CCSER1: variants seen among roughly 807,000 people sequenced by gnomAD.
CCSER1 encodes coiled-coil serine rich protein 1, also known as serine-rich coiled-coil domain-containing protein 1.
A neutral mutation model predicts 82.0 loss-of-function variants in CCSER1; 41 were observed. The ratio of observed to expected loss-of-function variants is 0.50; its 90% CI spans 0.39 to 0.65. The LOEUF is 0.65. Among genes scored for constraint, CCSER1 ranks in the 30% least tolerant of loss-of-function variants. CCSER1 has a pLI of 0.00. For synonymous variants in CCSER1, 414 were observed against 383.9 expected, an observed-to-expected ratio of 1.08 and a Z score of -0.92; for missense variants, 1,119 against 1,064.2, an observed-to-expected ratio of 1.05 and a Z score of -0.72.
chr4:91,502,401 T>G (rs544865154), intron 10 of CCSER1, among the ~76,000 whole-genome samples: 32 of 152,262 alleles, frequency 2.1e-4, no homozygotes, highest in African/African-American at 7.5e-4. Flanking sequence ...TGAAAAAAAT[T>G]TGAAAATTAA....
At chr4:91,582,660 T>G (rs548678602) in intron 10 of CCSER1, among the ~76,000 whole-genome samples, 2 of 151,422 alleles carry the variant, frequency 1.3e-5, no homozygotes, top group Admixed American at 1.3e-4. Flanking sequence ...TAATTGTGGT[T>G]TTTTCATTAC....
intron 10 of CCSER1, among the ~76,000 whole-genome samples, chr4:91,263,124 A>T (rs1741319887): frequency 6.6e-6 from 1 of 152,090 alleles, no homozygotes; most frequent in African/African-American, 2.4e-5. Flanking sequence ...TTATGTGTGT[A>T]TAGTTAAATT....
chr4:91,514,126 CT>C (rs1759974190), intron 10 of CCSER1, among the ~76,000 whole-genome samples: 2 of 152,098 alleles, frequency 1.3e-5, no homozygotes, highest in African/African-American at 4.8e-5. Flanking sequence ...ACTACTTTTG[CT>C]GCATCCCCTA....
chr4:91,465,509 G>C (rs936851534), intron 10 of CCSER1, among the ~76,000 whole-genome samples: 1 of 152,220 alleles, frequency 6.6e-6, no homozygotes, highest in Non-Finnish European at 1.5e-5. Context: ...GATCAGAGCA[G>C]AACTGAAGGA....
chr4:90,240,509 C>G (rs1746635905), intron 1 of CCSER1, among the ~76,000 whole-genome samples: 1 of 152,166 alleles, frequency 6.6e-6, no homozygotes, highest in Non-Finnish European at 1.5e-5. Flanking sequence ...CATGGAAGAG[C>G]CCCTTCCTCC....
At chr4:90,612,436 T>C (rs1317300794) in intron 5 of CCSER1, among the ~76,000 whole-genome samples, 2 of 152,108 alleles carry the variant, frequency 1.3e-5, no homozygotes, top group Non-Finnish European at 2.9e-5. Context: ...AGAAAATGAG[T>C]AAACATTAAT....
intron 9 of CCSER1, among the ~76,000 whole-genome samples, chr4:91,081,614 A>ATTT (rs1722757841): frequency 6.6e-6 from 1 of 152,196 alleles, no homozygotes; most frequent in Non-Finnish European, 1.5e-5. Flanking sequence ...GAAAAGAGGA[A>ATTT]GTCAAATTGT....
At chr4:90,133,935 T>G (rs1723227359) in intron 1 of CCSER1, among the ~76,000 whole-genome samples, 1 of 152,214 alleles carries the variant, frequency 6.6e-6, no homozygotes, top group Non-Finnish European at 1.5e-5. Context: ...ATGTTTTATT[T>G]TTTCCAAAGA....
At position 91,349,292 on chromosome 4, in the gene CCSER1, G is replaced by C. The variant is rs553700132; in HGVS notation, c.2218-249280G>C. 1.4e-4 allele frequency among the ~76,000 whole-genome samples: 22 copies of C among 152,220 alleles called. 1 individual carries two copies. In the South Asian group the frequency reaches 4.6e-3, roughly 32 times the overall value. On this transcript the variant is annotated intron_variant, in intron 10 of 10. Transcript: ENST00000509176. ...TTTTTACTGTTTGCTGTAGCTATAG[G>C]TGTCAGAGGTTAAATTTTTCCCTAA...
intron 10 of CCSER1, among the ~76,000 whole-genome samples, chr4:91,261,086 C>G (rs1455629931): frequency 1.3e-5 from 2 of 152,192 alleles, no homozygotes; most frequent in African/African-American, 4.8e-5. Context: ...TTAAAATATC[C>G]TCTTGCCTTG....
chr4:91,011,637 C>G (rs1278919677), intron 9 of CCSER1, among the ~76,000 whole-genome samples: 1 of 134,542 alleles, frequency 7.4e-6, no homozygotes, highest in Non-Finnish European at 1.7e-5. Flanking sequence ...AACAGGGCAA[C>G]AACTTTGGCT....
intron 4 of CCSER1, among the ~76,000 whole-genome samples, chr4:90,437,823 A>T (rs1759254886): frequency 6.6e-6 from 1 of 152,200 alleles, no homozygotes; most frequent in Non-Finnish European, 1.5e-5. Context: ...TATATTAATA[A>T]TATTAGTATA....
At chr4:90,963,871 A>G (rs1270925043) in intron 9 of CCSER1, among the ~76,000 whole-genome samples, 1 of 152,340 alleles carries the variant, frequency 6.6e-6, no homozygotes, top group Admixed American at 6.5e-5. Context: ...AGAAAATTTA[A>G]TAGGGCTTCA....
At position 90,587,016 on chromosome 4, in the gene CCSER1, C is replaced by A. The variant is rs181634869; in HGVS notation, c.1725-41009C>A. Among the ~76,000 whole-genome samples, 488 of 152,178 alleles carry A rather than the reference C, an allele frequency of 3.2e-3. 4 individuals are homozygous for A. The highest frequency in any genetic ancestry group is 0.011 in the African/African-American group (452 of 41,530). Reference sequence around the variant, plus strand: ...ATCACAGGGTTCCTTAAAAGTGAAACGGGGGGAGGCAGAAGAAAAGTTAAG... The same window carrying A: ...ATCACAGGGTTCCTTAAAAGTGAAAAGGGGGGAGGCAGAAGAAAAGTTAAG... On this transcript the variant is annotated intron_variant, in intron 5 of 10. Transcript: ENST00000509176.
chr4:90,631,368 A>G (rs1310973317), intron 6 of CCSER1, among the ~76,000 whole-genome samples: 2 of 152,194 alleles, frequency 1.3e-5, no homozygotes, highest in Non-Finnish European at 2.9e-5. Context: ...CCTATGACTT[A>G]GTGGAAATGC....
At chr4:90,621,071 G>A (rs1560827009) in intron 5 of CCSER1, among the ~76,000 whole-genome samples, 2 of 152,046 alleles carry the variant, frequency 1.3e-5, no homozygotes, top group Admixed American at 6.6e-5. Context: ...TGCCCACCTC[G>A]GCCTCCGAAA....
At chr4:90,584,920 C>A (rs889694090) in intron 5 of CCSER1, among the ~76,000 whole-genome samples, 1 of 151,874 alleles carries the variant, frequency 6.6e-6, no homozygotes, top group African/African-American at 2.4e-5. Context: ...TTGAAAGACA[C>A]CATTAAGAAA....
At chr4:90,636,418 A>C (rs1725427432) in intron 6 of CCSER1, among the ~76,000 whole-genome samples, 1 of 152,110 alleles carries the variant, frequency 6.6e-6, no homozygotes, top group South Asian at 2.1e-4. Flanking sequence ...ATTGGCAAAA[A>C]TCCTTATAGG....
intron 10 of CCSER1, among the ~76,000 whole-genome samples, chr4:91,208,319 T>A (rs1396997535): frequency 1.3e-5 from 2 of 151,988 alleles, no homozygotes; most frequent in Non-Finnish European, 2.9e-5. Flanking sequence ...ATGTCCAAAA[T>A]GGTATTTCCT....
Sources: allele counts gnomAD v4.1 joint callset (sites outside exome capture counted in the v4.1 genomes callset), GRCh38; gene constraint gnomAD v4.1.1; transcripts MANE v1.5; gene names NCBI Gene and HGNC (gene_info 2026-07-23, HGNC 2026-07-21).